PCDHGB3: variants seen among roughly 807,000 people sequenced by gnomAD.
The protein encoded by PCDHGB3 is protocadherin gamma subfamily B, 3.
In PCDHGB3, 40 loss-of-function variants were observed where a neutral mutation model predicts 59.2. The observed-to-expected ratio is 0.68, with a 90% CI of 0.52 to 0.88. The LOEUF is 0.88. Among genes scored for constraint, PCDHGB3 ranks in the 40% least tolerant of loss-of-function variants. The probability of loss-of-function intolerance (pLI) is 0.00; values close to 1 mark genes in which losing one functional copy is unlikely to be tolerated. For synonymous variants in PCDHGB3, 581 were observed against 503.6 expected (o/e 1.15, Z -2.06); for missense variants, 1,309 against 1,187.9 (o/e 1.10, Z -1.50).
intron 1 of PCDHGB3, among the ~76,000 whole-genome samples, chr5:141,449,848 T>C (rs7713034): frequency 0.29 from 44,283 of 151,474 alleles, 7,514 homozygotes; most frequent in African/African-American, 0.48. Flanking sequence ...AATTAAATTT[T>C]AATAATAAAA....
chr5:141,418,542 T>A (rs1260030087), intron 1 of PCDHGB3: 1 of 1,614,028 alleles, frequency 6.2e-7, no homozygotes, highest in South Asian at 1.1e-5. Context: ...ACTGCTCAGA[T>A]AAGAATCCTG....
In PCDHGB3 at chr5:141,410,786, TTCA is replaced by T. The variant is rs1001093749; in HGVS notation, c.2415+37979_2415+37981del. ...ATTATAGTTTTCACTATGTATTTGG[TTCA>T]TAAGTTGCTCTATCTTTTTGTAAAA... On this transcript the variant is annotated intron_variant, in intron 1 of 3. Transcript: ENST00000576222. 39 of 852,378 alleles carry T rather than the reference TTCA, an allele frequency of 4.6e-5. No homozygotes were observed. In the African/African-American group the frequency reaches 6.2e-4, roughly 13 times the overall value. 52.8% of individuals were successfully genotyped at this position (852,378 alleles called of 1,614,324 possible). A position where few individuals can be genotyped will look rare whatever the true frequency, so the allele number is the denominator to read the frequency against.
chr5:141,501,374 T>A (rs2099808767), intron 2 of PCDHGB3, among the ~76,000 whole-genome samples: 1 of 151,106 alleles, frequency 6.6e-6, no homozygotes. Context: ...CATCATCTCT[T>A]AAATCCTAGG....
chr5:141,483,538 G>C (rs571240759), intron 1 of PCDHGB3, among the ~76,000 whole-genome samples: 1 of 152,230 alleles, frequency 6.6e-6, no homozygotes, highest in African/African-American at 2.4e-5. Flanking sequence ...AAGCTGGGTG[G>C]TTGACAGTGC....
chr5:141,508,479 T>G (rs1361434920), intron 3 of PCDHGB3, among the ~76,000 whole-genome samples: 1 of 152,152 alleles, frequency 6.6e-6, no homozygotes, highest in Non-Finnish European at 1.5e-5. Flanking sequence ...TCTTTTACAT[T>G]CTGGATTTCC....
intron 1 of PCDHGB3, among the ~76,000 whole-genome samples, chr5:141,444,462 C>T (rs1314366280): frequency 3.3e-5 from 5 of 152,002 alleles, no homozygotes; most frequent in African/African-American, 9.7e-5. Flanking sequence ...TGAGTCACTG[C>T]GCCCGGTCGC....
intron 1 of PCDHGB3, chr5:141,408,126 C>T: frequency 1.5e-5 from 22 of 1,479,600 alleles, no homozygotes; most frequent in Non-Finnish European, 1.6e-5. Flanking sequence ...TGTCCTGGGC[C>T]GAATGCTCTT....
chr5:141,371,032 C>T lies in PCDHGB3; in HGVS notation c.638C>T (p.Thr213Ile), dbSNP rs547337082. 1 of 1,614,002 alleles carries T rather than the reference C, an allele frequency of 6.2e-7. No individual in the cohort carries two copies. The highest frequency in any genetic ancestry group is 1.7e-5 in the Admixed American group (1 of 60,030). Residue 213 changes from threonine (T) to isoleucine (I), a missense_variant, in exon 1 of 4, where the codon ACA (threonine) becomes ATA (isoleucine). By Grantham distance (89) the Thr-to-Ile change is moderately conservative. Transcript: ENST00000576222. ...EEQPHHHLVLTAVDGGEPSRS... is the reference protein window; with the variant it reads ...EEQPHHHLVLIAVDGGEPSRS... ...CAGCCACATCACCACCTGGTCCTCA[C>T]AGCTGTGGATGGGGGCGAGCCCTCC...
At chr5:141,414,489 G>A (rs754325517) in intron 1 of PCDHGB3, 33 of 1,613,754 alleles carry the variant, frequency 2.0e-5, no homozygotes, top group Middle Eastern at 1.6e-4. Flanking sequence ...CTCTATCAAC[G>A]GAAGCTCACT....
At position 141,477,924 on chromosome 5, in the gene PCDHGB3, A is replaced by G; in HGVS notation, c.2416-16883A>G. 1 of 1,614,140 alleles carries G rather than the reference A, an allele frequency of 6.2e-7. No homozygotes were observed. On this transcript the variant is annotated intron_variant, in intron 1 of 3. Transcript: ENST00000576222. The surrounding 1 kb of genome is among the most constrained non-coding windows in gnomAD (Gnocchi z 4.9). ...GGCTGGGACGCGGATGCAGGGCACA[A>G]TGCCTGGCTCTCCTACAGTCTCTTG...
rs749769645 is a variant in PCDHGB3, at chr5:141,376,049, G to A, written c.2415+3240G>A. On this transcript the variant is annotated intron_variant, in intron 1 of 3. Transcript: ENST00000576222. ...GGACCACGGCCAGCCCCCTCTCTCCGCCACTGTCACGCTCACCGTGGCCGT... is the reference window on the plus strand; with the variant it reads ...GGACCACGGCCAGCCCCCTCTCTCCACCACTGTCACGCTCACCGTGGCCGT... The A allele has an allele frequency of 1.9e-5, 31 of 1,613,116 alleles. No homozygotes were observed. The highest frequency in any genetic ancestry group is 2.2e-5 in the East Asian group (1 of 44,870).
In PCDHGB3 at chr5:141,491,492, T is replaced by G. The variant is rs763487622; in HGVS notation, c.2416-3315T>G. On this transcript the variant is annotated intron_variant, in intron 1 of 3. Coordinates refer to ENST00000576222, the MANE Select transcript of PCDHGB3 (RefSeq NM_018924.5). This position sits in a 1 kb window ranked among gnomAD's most constrained non-coding sequence, Gnocchi z 6.9. ...AAGCAGTCCAGCCCCAACCTGCAGG[T>G]GAGCTCGGACGGCACGCTCAAGTAC... 3.1e-6 allele frequency: 5 copies of G among 1,614,024 alleles called. No homozygotes were observed. The highest frequency in any genetic ancestry group is 3.4e-6 in the Non-Finnish European group (4 of 1,180,006).
rs186000917 is a variant in PCDHGB3, at chr5:141,371,695, C to T, written c.1301C>T (p.Ser434Phe). ...GACAAAGGCAATCCACCGCTCTCCT[C>T]CAGCAAGACCATCACTCTGCACATC... ...ATDKGNPPLS[S>F]SKTITLHILD... The change falls in exon 1 of 4, where the codon TCC becomes TTC. Residue 434 changes from serine to phenylalanine, a missense_variant. Ser to Phe is a radical substitution (Grantham distance 155). Transcript: ENST00000576222. The T allele has an allele frequency of 8.7e-6, 14 of 1,614,058 alleles. No individual in the cohort carries two copies. In the Admixed American group the frequency reaches 1.7e-4, roughly 19 times the overall value.
At chr5:141,488,189 T>G (rs574621860) in intron 1 of PCDHGB3, among the ~76,000 whole-genome samples, 2 of 152,316 alleles carry the variant, frequency 1.3e-5, no homozygotes, top group Non-Finnish European at 2.9e-5. Context: ...TCTTTTGGTC[T>G]GGGTCTTAGG....
Position 141,370,699 on chromosome 5 carries a change from G to A in PCDHGB3, c.305G>A (p.Cys102Tyr), listed in dbSNP as rs1767129462. The A allele has an allele frequency of 6.2e-7, 1 of 1,613,804 alleles. No individual in the cohort carries two copies. The highest frequency in any genetic ancestry group is 8.5e-7 in the Non-Finnish European group (1 of 1,179,890). The change falls in exon 1 of 4, where the codon TGT (cysteine) becomes TAT (tyrosine). Residue 102 changes from cysteine (C) to tyrosine (Y), a missense_variant. Coordinates refer to ENST00000576222, the MANE Select transcript of PCDHGB3 (RefSeq NM_018924.5). ...GAGATTTGTGGCAAGAAGTCGACGT[G>A]TGTTCTGGAATTTGAAATGGTTGCT... ...REEICGKKST[C>Y]VLEFEMVAEK...
chr5:141,410,945 C>A, intron 1 of PCDHGB3: 1 of 192,458 alleles, frequency 5.2e-6, no homozygotes, highest in Non-Finnish European at 1.0e-5. Context: ...CCTCCGCCTT[C>A]TGGGTTCAAG....
chr5:141,409,149 C>T (rs1248646625), intron 1 of PCDHGB3: 1 of 1,613,948 alleles, frequency 6.2e-7, no homozygotes, highest in Non-Finnish European at 8.5e-7. Context: ...GAAAGGTACA[C>T]CATGGAAGTG....
chr5:141,423,338 T>A, intron 1 of PCDHGB3: 1 of 1,614,150 alleles, frequency 6.2e-7, no homozygotes, highest in Middle Eastern at 1.6e-4. Flanking sequence ...GTCTCCTGCA[T>A]CTTCCTGGTC....
intron 1 of PCDHGB3, chr5:141,423,368 C>A: frequency 3.1e-6 from 5 of 1,614,200 alleles, no homozygotes; most frequent in Non-Finnish European, 4.2e-6. Context: ...GTGCTGCTGG[C>A]ACTCAGGCTG....
Sources: gnomAD v4.1 joint callset for allele counts (sites outside exome capture counted in the v4.1 genomes callset) on GRCh38, gnomAD v4.1.1 for gene constraint, Gnocchi (gnomAD v3.1) non-coding constraint, MANE v1.5 for transcripts, NCBI Gene and HGNC (gene_info 2026-07-23, HGNC 2026-07-21) for gene names.